The following EPS15 variants were observed in gnomAD, a reference collection of about 807,000 sequenced individuals.
The protein encoded by EPS15 is epidermal growth factor receptor substrate 15.
In EPS15, 72 loss-of-function variants were observed where a neutral mutation model predicts 113.8. That is an observed-to-expected ratio of 0.63 (90% CI 0.52 to 0.77). EPS15 has a LOEUF of 0.77. EPS15 is among the 30% of genes least tolerant of loss of function. EPS15 has a pLI of 0.00. For synonymous variants in EPS15, 344 were observed against 363.4 expected, an observed-to-expected ratio of 0.95 and a Z score of 0.61; for missense variants, 1,048 against 1,045.8, an observed-to-expected ratio of 1.00 and a Z score of -0.03.
intron 10 of EPS15, among the ~76,000 whole-genome samples, chr1:51,445,642 TA>T (rs1013753250): frequency 2.5e-3 from 346 of 140,880 alleles, no homozygotes; most frequent in East Asian, 5.3e-3. Flanking sequence ...TTTCTGTAAT[TA>T]AAAAAAAAAA....
intron 8 of EPS15, among the ~76,000 whole-genome samples, chr1:51,453,414 A>C (rs1653733862): frequency 6.6e-6 from 1 of 152,166 alleles, no homozygotes; most frequent in Admixed American, 6.5e-5. Context: ...AAGTGAACAG[A>C]ATACTTTTAA....
intron 17 of EPS15, 128 bp from the exon 18 acceptor site, chr1:51,402,653 G>A (rs367796702): frequency 1.4e-4 from 73 of 512,738 alleles, no homozygotes; most frequent in African/African-American, 1.3e-3. Context: ...GGCCAGGCAC[G>A]GTGGCTCACA....
chr1:51,387,497 A>T (rs2148393991), intron 21 of EPS15, among the ~76,000 whole-genome samples: 1 of 152,324 alleles, frequency 6.6e-6, no homozygotes, highest in East Asian at 1.9e-4. Flanking sequence ...AATGGACTAA[A>T]TGCTCCAATT....
chr1:51,465,409 T>C (rs1654777140), intron 5 of EPS15, 83 bp from the exon 6 acceptor site: 1 of 839,596 alleles, frequency 1.2e-6, no homozygotes, highest in Non-Finnish European at 1.9e-6. Context: ...TGGATTTAAA[T>C]ATGTTCACAC....
intron 1 of EPS15, among the ~76,000 whole-genome samples, chr1:51,485,771 T>C (rs1167254378): frequency 2.0e-5 from 3 of 152,206 alleles, no homozygotes; most frequent in Non-Finnish European, 2.9e-5. Context: ...TTTATCATTA[T>C]ATTTTGGAAT....
At chr1:51,430,061 T>C (rs1280143401) in intron 12 of EPS15, among the ~76,000 whole-genome samples, 1 of 152,150 alleles carries the variant, frequency 6.6e-6, no homozygotes, top group Non-Finnish European at 1.5e-5. Flanking sequence ...CTTTCCTGTC[T>C]GGCTTGTGGA....
intron 1 of EPS15, among the ~76,000 whole-genome samples, chr1:51,511,958 T>C (rs1644629209): frequency 6.6e-6 from 1 of 152,226 alleles, no homozygotes; most frequent in Non-Finnish European, 1.5e-5. Context: ...CTTTGTATAT[T>C]TTTACCACAT....
At chr1:51,443,299 G>C (rs1461238911) in intron 11 of EPS15, among the ~76,000 whole-genome samples, 4 of 149,390 alleles carry the variant, frequency 2.7e-5, no homozygotes, top group Non-Finnish European at 4.4e-5. Flanking sequence ...AAATGAAGAA[G>C]GCAGAAAAAA....
At chr1:51,453,910 C>T (rs960078027) in intron 8 of EPS15, among the ~76,000 whole-genome samples, 2 of 151,842 alleles carry the variant, frequency 1.3e-5, no homozygotes, top group South Asian at 2.1e-4. Flanking sequence ...ATTAGCTGGG[C>T]GTGGTGGCAG....
chr1:51,442,288 T>C (rs1033410264), intron 11 of EPS15, among the ~76,000 whole-genome samples: 2 of 152,114 alleles, frequency 1.3e-5, no homozygotes, highest in African/African-American at 4.8e-5. Context: ...AAGAGTAAAT[T>C]ACTTCACTTA....
intron 12 of EPS15, chr1:51,423,075 T>G (rs780831817): frequency 1.7e-5 from 8 of 475,810 alleles, no homozygotes; most frequent in Non-Finnish European, 1.9e-5. Context: ...AGATTTTAAA[T>G]GTAGACAAAA....
chr1:51,429,659 T>C (rs7546378), intron 12 of EPS15, among the ~76,000 whole-genome samples: 3 of 144,500 alleles, frequency 2.1e-5, no homozygotes, highest in African/African-American at 5.4e-5. Context: ...TTTTTTTTTT[T>C]CTTTTTTTTG....
intron 2 of EPS15, among the ~76,000 whole-genome samples, chr1:51,474,239 C>T (rs528747935): frequency 1.5e-4 from 23 of 152,304 alleles, no homozygotes; most frequent in African/African-American, 4.3e-4. Flanking sequence ...AGCTATAGGC[C>T]AGAAGCTGAT....
chr1:51,407,249 G>A (rs1373597595), intron 15 of EPS15, among the ~76,000 whole-genome samples: 1 of 151,930 alleles, frequency 6.6e-6, no homozygotes, highest in African/African-American at 2.4e-5. Context: ...CCAGGGTGGA[G>A]TGCAGTGGTG....
At chr1:51,480,175 TTTAA>T (rs1182962061) in intron 2 of EPS15, among the ~76,000 whole-genome samples, 2 of 152,368 alleles carry the variant, frequency 1.3e-5, no homozygotes, top group African/African-American at 2.4e-5. Flanking sequence ...GCCTATAATG[TTTAA>T]TTAATACTTG....
At chr1:51,415,685 A>G (rs111307188) in intron 13 of EPS15, among the ~76,000 whole-genome samples, 4,553 of 151,024 alleles carry the variant, frequency 0.03, 73 homozygotes, top group African/African-American at 0.05. Flanking sequence ...AATCCCAGCT[A>G]CTTGGGAGGC....
intron 21 of EPS15, among the ~76,000 whole-genome samples, chr1:51,388,986 G>A (rs1393847866): frequency 6.6e-6 from 1 of 152,232 alleles, no homozygotes; most frequent in Non-Finnish European, 1.5e-5. Context: ...GCATCATCCT[G>A]ATACCAAAGC....
chr1:51,435,217 T>G (rs190817444), intron 12 of EPS15, among the ~76,000 whole-genome samples: 86 of 152,264 alleles, frequency 5.6e-4, no homozygotes, highest in Admixed American at 9.2e-4. Flanking sequence ...AGACTGAGTC[T>G]CACTCTGTTG....
chr1:51,473,061 G>A, intron 2 of EPS15, 113 bp from the exon 3 acceptor site: 1 of 780,866 alleles, frequency 1.3e-6, no homozygotes, highest in Non-Finnish European at 2.2e-6. Context: ...AGAAAGGAAT[G>A]AGAATCCTTT....
Sources: gnomAD v4.1 joint callset for allele counts (sites outside exome capture counted in the v4.1 genomes callset) on GRCh38, gnomAD v4.1.1 for gene constraint, MANE v1.5 for transcripts, NCBI Gene and HGNC (gene_info 2026-07-23, HGNC 2026-07-21) for gene names.